The following PCMT1 variants were observed in gnomAD, a reference collection of about 807,000 sequenced individuals.
PCMT1 encodes protein-L-isoaspartate(D-aspartate) O-methyltransferase.
Under a neutral mutation model 29.2 loss-of-function variants are expected in PCMT1, and 9 were observed. That is an observed-to-expected ratio of 0.31 (90% CI 0.19 to 0.54). The LOEUF is 0.54. Ranked by LOEUF, PCMT1 falls within the 20% of genes least tolerant of loss-of-function variation. PCMT1 has a pLI of 0.95. For missense variants in PCMT1, 184 were observed against 282.2 expected, an observed-to-expected ratio of 0.65 and a Z score of 2.49; for synonymous variants, 98 against 97.5, an observed-to-expected ratio of 1.00 and a Z score of -0.03.
chr6:149,756,799 G>A (rs1269352332), intron 1 of PCMT1, among the ~76,000 whole-genome samples: 2 of 151,494 alleles, frequency 1.3e-5, no homozygotes, highest in African/African-American at 4.8e-5. Context: ...CAGTCTTATG[G>A]ATAGGTACTA....
At chr6:149,806,710 C>G (rs1776025262) in intron 7 of PCMT1, among the ~76,000 whole-genome samples, 2 of 152,288 alleles carry the variant, frequency 1.3e-5, no homozygotes, top group South Asian at 4.1e-4. Flanking sequence ...CCTGCCTCAG[C>G]CTTCTGAGTA....
At chr6:149,786,173 A>C (rs865883135) in intron 3 of PCMT1, among the ~76,000 whole-genome samples, 8,949 of 44,494 alleles carry the variant, frequency 0.2, 2,192 homozygotes, top group East Asian at 0.73. Flanking sequence ...CTGACCCCCC[A>C]ACCTCCCTCC....
intron 1 of PCMT1, among the ~76,000 whole-genome samples, chr6:149,757,917 C>G (rs998323372): frequency 6.6e-6 from 1 of 152,114 alleles, no homozygotes; most frequent in Non-Finnish European, 1.5e-5. Flanking sequence ...GAGTCTCACT[C>G]TGTTGCCTAA....
intron 1 of PCMT1, among the ~76,000 whole-genome samples, chr6:149,756,526 T>A (rs947985828): frequency 6.8e-4 from 95 of 140,270 alleles, no homozygotes; most frequent in African/African-American, 2.2e-3. Context: ...TTTTTTTTTT[T>A]TTTTTTTTTT....
At chr6:149,808,324 A>C (rs1417391715) in intron 7 of PCMT1, among the ~76,000 whole-genome samples, 1 of 152,142 alleles carries the variant, frequency 6.6e-6, no homozygotes, top group Non-Finnish European at 1.5e-5. Context: ...TGATCTATAC[A>C]TGTAAGTCAG....
intron 1 of PCMT1, among the ~76,000 whole-genome samples, chr6:149,766,189 G>C (rs1488063453): frequency 6.6e-6 from 1 of 151,744 alleles, no homozygotes; most frequent in Non-Finnish European, 1.5e-5. Context: ...TTCTGTCTTT[G>C]CTATACAATT....
At chr6:149,787,839 GT>G (rs1788188280) in intron 3 of PCMT1, among the ~76,000 whole-genome samples, 8 of 151,964 alleles carry the variant, frequency 5.3e-5, no homozygotes, top group African/African-American at 1.9e-4. Context: ...GTGTGTGTGT[GT>G]GTGTATGTGT....
intron 1 of PCMT1, among the ~76,000 whole-genome samples, chr6:149,751,509 A>G (rs1786320915): frequency 7.6e-6 from 1 of 131,534 alleles, no homozygotes; most frequent in African/African-American, 3.0e-5. Flanking sequence ...TGAGACAGAG[A>G]CTCCCTCTGT....
chr6:149,795,661 CCTG>C (rs1365518009), intron 5 of PCMT1: 2 of 414,862 alleles, frequency 4.8e-6, no homozygotes, highest in East Asian at 5.8e-5. Flanking sequence ...ATAGGAATTA[CCTG>C]TTGTCCTGAT....
intron 1 of PCMT1, chr6:149,750,277 G>A (rs1185778454): frequency 1.7e-5 from 6 of 355,672 alleles, no homozygotes; most frequent in Non-Finnish European, 1.0e-5. Flanking sequence ...TCCGCGTCCG[G>A]GTCCGGCTTG....
At chr6:149,806,505 TATC>T (rs1258593097) in intron 7 of PCMT1, among the ~76,000 whole-genome samples, 3 of 152,212 alleles carry the variant, frequency 2.0e-5, no homozygotes, top group Non-Finnish European at 4.4e-5. Flanking sequence ...TTCTGGGAAT[TATC>T]ATCTAAAAAG....
rs939602205 is a variant in PCMT1 at position 149,789,145 on chromosome 6, C to T, written c.193-809C>T. On this transcript the variant is annotated intron_variant, in intron 3 of 7. Transcript: ENST00000464889. ...AGGCTGGAGTGCAGTGGCATGATCTCGGATCACTGCAATCTCCCCGTCCCG... is the reference window on the plus strand; with the variant it reads ...AGGCTGGAGTGCAGTGGCATGATCTTGGATCACTGCAATCTCCCCGTCCCG... Among the ~76,000 whole-genome samples the T allele has an allele frequency of 1.8e-4, 25 of 141,942 alleles. 1 individual carries two copies. Among genetic ancestry groups the T allele is most frequent in the African/African-American group, 4.5e-4 (17 of 37,908 alleles). 93.1% of individuals were successfully genotyped at this position (141,942 alleles called of 152,430 possible).
At chr6:149,777,821 T>G (rs1332705611) in intron 3 of PCMT1, among the ~76,000 whole-genome samples, 2 of 150,758 alleles carry the variant, frequency 1.3e-5, no homozygotes, top group Non-Finnish European at 2.9e-5. Context: ...TTTCTCTTTC[T>G]TTTCTTCTTT....
intron 1 of PCMT1, among the ~76,000 whole-genome samples, chr6:149,751,781 G>A (rs1786330422): frequency 6.6e-6 from 1 of 151,656 alleles, no homozygotes; most frequent in Non-Finnish European, 1.5e-5. Flanking sequence ...CGCCAGGCCG[G>A]TACTTGATAT....
At chr6:149,796,359 C>A in intron 5 of PCMT1, 56 bp from the exon 6 acceptor site, 1 of 1,195,434 alleles carries the variant, frequency 8.4e-7, no homozygotes, top group East Asian at 2.4e-5. Context: ...TACTAGAATT[C>A]TTCACATTAA....
rs762227346 is a variant in PCMT1, at chr6:149,771,278, A to G, written c.160+12A>G. 4 of 1,424,520 alleles carry G rather than the reference A, an allele frequency of 2.8e-6. No individual in the cohort carries two copies. Among genetic ancestry groups the G allele is most frequent in the African/African-American group, 1.4e-5 (1 of 71,090 alleles). 88.2% of individuals were successfully genotyped at this position (1,424,520 alleles called of 1,614,324 possible). On this transcript the variant is annotated intron_variant, in intron 2 of 7. Coordinates refer to ENST00000464889, the MANE Select transcript of PCMT1 (RefSeq NM_001360452.2). ...TCCACAATCAATAGGTAAGCTTTAGATTTCTGAAAATATCATAGTTTTCAT... is the reference window on the plus strand; with the variant it reads ...TCCACAATCAATAGGTAAGCTTTAGGTTTCTGAAAATATCATAGTTTTCAT...
chr6:149,791,235 C>T (rs1217826701), intron 4 of PCMT1, among the ~76,000 whole-genome samples: 1 of 152,176 alleles, frequency 6.6e-6, no homozygotes, highest in Non-Finnish European at 1.5e-5. Context: ...TCCACTGTCC[C>T]TGCCCAGAAT....
At position 149,790,298 on chromosome 6, in the gene PCMT1, C is replaced by T. The variant is rs1012674686; in HGVS notation, c.297+240C>T. Among the ~76,000 whole-genome samples the T allele has an allele frequency of 3.3e-5, 5 of 152,164 alleles. No individual in the cohort carries two copies. The South Asian group carries it at 6.2e-4, about 19-fold the overall frequency. On this transcript the variant is annotated intron_variant, in intron 4 of 7. Transcript: ENST00000464889. The stretch of plus-strand genomic sequence containing the variant: ...TAACAGAAAAGTCTAGGGGTGTATA[C>T]GGTCTGTTGTGTGGCTGGATTTAGA...
intron 1 of PCMT1, among the ~76,000 whole-genome samples, chr6:149,757,156 T>G (rs1397920056): frequency 6.6e-6 from 1 of 151,988 alleles, no homozygotes; most frequent in Non-Finnish European, 1.5e-5. Flanking sequence ...TGCCTCAAAA[T>G]AAATACATAA....
Sources: gnomAD v4.1 joint callset for allele counts (sites outside exome capture counted in the v4.1 genomes callset) on GRCh38, gnomAD v4.1.1 for gene constraint, MANE v1.5 for transcripts, NCBI Gene and HGNC (gene_info 2026-07-23, HGNC 2026-07-21) for gene names.